Variants in FAM135B observed in about 807,000 individuals in gnomAD.
FAM135B encodes the protein protein FAM135B.
FAM135B carries 43 observed loss-of-function variants against 127.7 expected under a neutral mutation model. The ratio of observed to expected loss-of-function variants is 0.34; its 90% CI spans 0.26 to 0.43. The LOEUF is 0.43. Ranked by LOEUF, FAM135B falls within the 20% of genes least tolerant of loss-of-function variation. The pLI, the probability that FAM135B is intolerant of heterozygous loss-of-function variation, is 1.00. For missense variants in FAM135B, 1,558 were observed against 1,725.6 expected (o/e 0.90, Z 1.72); for synonymous variants, 670 against 665.1 (o/e 1.01, Z -0.11).
intron 6 of FAM135B, among the ~76,000 whole-genome samples, chr8:138,246,881 G>A (rs1264197700): frequency 2.0e-5 from 3 of 152,260 alleles, no homozygotes; most frequent in Admixed American, 6.5e-5. Context: ...AAGGCCATGG[G>A]AGCCCATCTC....
intron 4 of FAM135B, among the ~76,000 whole-genome samples, chr8:138,264,926 C>A (rs1025627875): frequency 1.3e-5 from 2 of 152,166 alleles, no homozygotes; most frequent in African/African-American, 2.4e-5. Flanking sequence ...TCGATATATT[C>A]TAGCAGAAAA....
intron 3 of FAM135B, among the ~76,000 whole-genome samples, chr8:138,309,636 C>G (rs1346806938): frequency 6.6e-6 from 1 of 152,212 alleles, no homozygotes; most frequent in Non-Finnish European, 1.5e-5. Flanking sequence ...ACTTTCCTGA[C>G]TTGTGGGTAT....
At chr8:138,380,827 TC>T (rs1831806100) in intron 1 of FAM135B, among the ~76,000 whole-genome samples, 1 of 151,518 alleles carries the variant, frequency 6.6e-6, no homozygotes, top group Non-Finnish European at 1.5e-5. Context: ...CTGATGAATC[TC>T]AGTTATACCC....
At chr8:138,201,443 A>T in intron 7 of FAM135B, among the ~76,000 whole-genome samples, 1 of 152,334 alleles carries the variant, frequency 6.6e-6, no homozygotes. Flanking sequence ...TCCTGAAAAA[A>T]AAATATACGG....
chr8:138,321,402 G>A (rs1353328995), intron 2 of FAM135B, among the ~76,000 whole-genome samples: 2 of 152,148 alleles, frequency 1.3e-5, no homozygotes, highest in Admixed American at 6.5e-5. Context: ...GATGCCTGCG[G>A]GATACAGTAT....
At chr8:138,217,115 T>A (rs532880242) in intron 7 of FAM135B, among the ~76,000 whole-genome samples, 18 of 152,322 alleles carry the variant, frequency 1.2e-4, no homozygotes, top group Middle Eastern at 3.4e-3. Context: ...ATCACCACCA[T>A]CATCAACAGC....
chr8:138,192,583 CAGATTG>C (rs1816231115), intron 9 of FAM135B, among the ~76,000 whole-genome samples: 1 of 112,488 alleles, frequency 8.9e-6, no homozygotes, highest in Non-Finnish European at 2.0e-5. Context: ...TGGTATCACC[CAGATTG>C]ATAAACTCGC....
chr8:138,261,144 CA>C (rs1374900672), intron 4 of FAM135B, among the ~76,000 whole-genome samples: 440 of 135,042 alleles, frequency 3.3e-3, no homozygotes, highest in Non-Finnish European at 2.8e-3. Context: ...CTGCTTCCAG[CA>C]AAAAAAAAAA....
At chr8:138,459,942 C>A (rs1837030775) in intron 1 of FAM135B, among the ~76,000 whole-genome samples, 1 of 152,102 alleles carries the variant, frequency 6.6e-6, no homozygotes. Context: ...TCTGCTCCAT[C>A]AGCTGTAAAA....
At chr8:138,214,772 G>A (rs1481690993) in intron 7 of FAM135B, among the ~76,000 whole-genome samples, 1 of 152,150 alleles carries the variant, frequency 6.6e-6, no homozygotes, top group Admixed American at 6.5e-5. Flanking sequence ...TAGACTCAGA[G>A]GCATAAAGCA....
intron 19 of FAM135B, among the ~76,000 whole-genome samples, chr8:138,134,504 T>A (rs1342616088): frequency 6.6e-6 from 1 of 152,202 alleles, no homozygotes; most frequent in African/African-American, 2.4e-5. Context: ...TTAACATTTA[T>A]AGCAAACTCT....
chr8:138,208,185 G>A (rs940517816), intron 7 of FAM135B, among the ~76,000 whole-genome samples: 26 of 152,282 alleles, frequency 1.7e-4, no homozygotes, highest in African/African-American at 3.1e-4. Context: ...AGGAGAGTCC[G>A]TCAGTGCTGG....
At chr8:138,383,195 T>C (rs1310610150) in intron 1 of FAM135B, among the ~76,000 whole-genome samples, 1 of 152,204 alleles carries the variant, frequency 6.6e-6, no homozygotes, top group Non-Finnish European at 1.5e-5. Flanking sequence ...GCCCAGGAGC[T>C]CTGATGTCCA....
chr8:138,255,368 G>A (rs550387612), intron 5 of FAM135B, among the ~76,000 whole-genome samples: 1 of 152,264 alleles, frequency 6.6e-6, no homozygotes, highest in East Asian at 1.9e-4. Flanking sequence ...CTGAGATTCT[G>A]CTAACAGAGA....
chr8:138,363,818 T>C (rs183273129), intron 2 of FAM135B, among the ~76,000 whole-genome samples: 1 of 152,296 alleles, frequency 6.6e-6, no homozygotes, highest in East Asian at 1.9e-4. Context: ...TGGCCAGCTA[T>C]GTAACAATGA....
At position 138,245,742 on chromosome 8, in the gene FAM135B, T is replaced by G. The variant is rs543975329; in HGVS notation, c.543-2674A>C. On this transcript the variant is annotated intron_variant, in intron 6 of 19. Transcript: ENST00000395297. The stretch of plus-strand genomic sequence containing the variant: ...GACACCCAAAAATGTGGGAGTGACT[T>G]TAGAACTGAGTAACAGGCAGAGGTT... Among the ~76,000 whole-genome samples the G allele has an allele frequency of 1.6e-3, 248 of 152,244 alleles. 1 individual carries two copies. The highest frequency in any genetic ancestry group is 2.8e-3 in the Non-Finnish European group (191 of 68,020).
Position 138,153,196 on chromosome 8 carries a change from G to GCCCT in FAM135B, c.1278_1279insAGGG (p.Pro427ArgfsTer3). 6.3e-7 allele frequency: 1 copy of GCCCT among 1,576,872 alleles called. No individual in the cohort carries two copies. Among genetic ancestry groups the GCCCT allele is most frequent in the South Asian group, 1.2e-5 (1 of 85,600 alleles). ...CTTGTCACTGGAACATCAAAATTAG[G>GCCCT]ATAAACACTCAAGTTATGCCCTACA... On this transcript the variant is annotated frameshift_variant, in exon 13 of 20. Coordinates refer to ENST00000395297, the MANE Select transcript of FAM135B (RefSeq NM_015912.4). LOFTEE classifies it high-confidence loss of function.
chr8:138,424,602 T>C (rs1834732042), intron 1 of FAM135B, among the ~76,000 whole-genome samples: 1 of 152,212 alleles, frequency 6.6e-6, no homozygotes, highest in Admixed American at 6.5e-5. Context: ...GCTCTCCCTA[T>C]TTTAACACTA....
chr8:138,367,254 G>C, intron 2 of FAM135B: 1 of 367,880 alleles, frequency 2.7e-6, no homozygotes, highest in Non-Finnish European at 5.4e-6. Flanking sequence ...GTCAAAAGTA[G>C]TAGCAATCAT....
Sources: allele counts gnomAD v4.1 joint callset (sites outside exome capture counted in the v4.1 genomes callset), GRCh38; gene constraint gnomAD v4.1.1; transcripts MANE v1.5; gene names NCBI Gene and HGNC (gene_info 2026-07-23, HGNC 2026-07-21).